SMOC2: variants seen among roughly 807,000 people sequenced by gnomAD.
SMOC2 encodes SPARC-related modular calcium-binding protein 2.
In SMOC2, 39 loss-of-function variants were observed where a neutral mutation model predicts 61.4. That is an observed-to-expected ratio of 0.64 (90% CI 0.49 to 0.83). The LOEUF (loss-of-function observed/expected upper bound fraction) is 0.83. Ranked by LOEUF, SMOC2 falls within the 40% of genes least tolerant of loss-of-function variation. The pLI, the probability that SMOC2 is intolerant of heterozygous loss-of-function variation, is 0.00. For synonymous variants in SMOC2, 247 were observed against 239.9 expected, an observed-to-expected ratio of 1.03 and a Z score of -0.27; for missense variants, 556 against 592.9, an observed-to-expected ratio of 0.94 and a Z score of 0.65.
chr6:168,526,481 A>C, intron 3 of SMOC2, 29 bp downstream of exon 3: 1 of 1,586,784 alleles, frequency 6.3e-7, no homozygotes, highest in Non-Finnish European at 8.7e-7. Flanking sequence ...GAGGTTCTGC[A>C]CCTGTGCGAT....
intron 9 of SMOC2, among the ~76,000 whole-genome samples, chr6:168,639,906 C>A (rs1358255583): frequency 6.6e-6 from 1 of 152,240 alleles, no homozygotes; most frequent in Non-Finnish European, 1.5e-5. Flanking sequence ...CAGCCACAGC[C>A]TCCTGAGAGG....
At chr6:168,621,719 G>A (rs947586405) in intron 9 of SMOC2, among the ~76,000 whole-genome samples, 9 of 32,126 alleles carry the variant, frequency 2.8e-4, no homozygotes, top group Non-Finnish European at 5.9e-4. Context: ...CAGATCTCAC[G>A]ATCTCACGCG....
At chr6:168,441,543 C>G (rs1340765331) in intron 1 of SMOC2, 89 bp downstream of exon 1, 2 of 1,367,574 alleles carry the variant, frequency 1.5e-6, no homozygotes, top group Non-Finnish European at 1.9e-6. Context: ...GCTCCAGGCC[C>G]AGGCGCCTGG....
intron 1 of SMOC2, among the ~76,000 whole-genome samples, chr6:168,445,019 A>G (rs375755404): frequency 3.3e-5 from 5 of 152,172 alleles, no homozygotes; most frequent in African/African-American, 9.7e-5. Flanking sequence ...TCTTACTGCC[A>G]ATACCTAACG....
chr6:168,576,494 G>A (rs1055995185), intron 7 of SMOC2, among the ~76,000 whole-genome samples: 1 of 152,066 alleles, frequency 6.6e-6, no homozygotes, highest in Non-Finnish European at 1.5e-5. Flanking sequence ...TATAAAAGTG[G>A]TTCCGACCCC....
chr6:168,442,734 T>G (rs1363966809), intron 1 of SMOC2, among the ~76,000 whole-genome samples: 1 of 152,254 alleles, frequency 6.6e-6, no homozygotes, highest in Non-Finnish European at 1.5e-5. Flanking sequence ...TTTCTTCGTC[T>G]TCTTTCTTTT....
intron 1 of SMOC2, among the ~76,000 whole-genome samples, chr6:168,470,240 G>C (rs1781940777): frequency 6.6e-6 from 1 of 152,222 alleles, no homozygotes; most frequent in South Asian, 2.1e-4. Context: ...AGTCTCTGCT[G>C]TGAGTCCTTT....
intron 7 of SMOC2, among the ~76,000 whole-genome samples, chr6:168,595,076 C>T (rs1785285599): frequency 1.3e-5 from 2 of 149,648 alleles, no homozygotes; most frequent in African/African-American, 2.5e-5. Context: ...AGCTCCTCCT[C>T]CTTCCTGAGG....
chr6:168,473,644 G>C (rs533127126), intron 1 of SMOC2, among the ~76,000 whole-genome samples: 2 of 152,296 alleles, frequency 1.3e-5, no homozygotes, highest in Admixed American at 6.5e-5. Flanking sequence ...GTTAGAAACA[G>C]ACCAAAACTT....
intron 1 of SMOC2, among the ~76,000 whole-genome samples, chr6:168,444,199 C>T (rs956986960): frequency 2.6e-5 from 4 of 152,186 alleles, no homozygotes; most frequent in African/African-American, 9.6e-5. Context: ...ATGTGGGACT[C>T]TATAGACCAA....
intron 1 of SMOC2, among the ~76,000 whole-genome samples, chr6:168,471,355 C>T (rs984766381): frequency 6.6e-6 from 1 of 152,204 alleles, no homozygotes; most frequent in Admixed American, 6.5e-5. Flanking sequence ...CTTTTTGTGA[C>T]AGGCTTACTT....
chr6:168,489,100 A>G (rs1450143913), intron 1 of SMOC2, among the ~76,000 whole-genome samples: 1 of 150,324 alleles, frequency 6.7e-6, no homozygotes, highest in Non-Finnish European at 1.5e-5. Flanking sequence ...ACACTGTTTT[A>G]GAGTGAAATA....
intron 10 of SMOC2, 80 bp from the exon 11 acceptor site, chr6:168,652,874 T>C (rs550614274): frequency 5.4e-4 from 745 of 1,390,636 alleles, no homozygotes; most frequent in Non-Finnish European, 6.5e-4. Context: ...GCAGGGGTTA[T>C]GGGTTTGAGG....
intron 4 of SMOC2, 65 bp downstream of exon 4, chr6:168,527,792 C>A: frequency 9.1e-7 from 1 of 1,102,392 alleles, no homozygotes; most frequent in Non-Finnish European, 1.3e-6. Context: ...TTCTTCTCAT[C>A]ATCTTCCCTG....
intron 9 of SMOC2, among the ~76,000 whole-genome samples, chr6:168,630,664 G>A (rs916199839): frequency 9.2e-5 from 14 of 152,194 alleles, no homozygotes; most frequent in African/African-American, 3.1e-4. Context: ...GTGGAACAGA[G>A]CCATATTTCT....
chr6:168,554,223 C>G (rs747562815), intron 7 of SMOC2, among the ~76,000 whole-genome samples: 4 of 152,266 alleles, frequency 2.6e-5, no homozygotes, highest in Non-Finnish European at 5.9e-5. Context: ...GTGCCATAGT[C>G]TCCCACAAGA....
rs1787679007 is a variant in SMOC2, at chr6:168,667,043, G to C, written c.*605G>C. 1 of 152,418 alleles carries C rather than the reference G, an allele frequency of 6.6e-6. No homozygotes were observed. Among genetic ancestry groups the C allele is most frequent in the South Asian group, 2.1e-4 (1 of 4,834 alleles). 9.4% of individuals were successfully genotyped at this position (152,418 alleles called of 1,614,324 possible). ...CTGGAGGAAATAATATTTTCAAACTGTCGTTGGTGTGATACTTTGGCTCAA... is the reference window on the plus strand; with the variant it reads ...CTGGAGGAAATAATATTTTCAAACTCTCGTTGGTGTGATACTTTGGCTCAA... On this transcript the variant is annotated 3_prime_UTR_variant, in exon 13 of 13. Coordinates refer to ENST00000356284, the MANE Select transcript of SMOC2 (RefSeq NM_001166412.2).
intron 9 of SMOC2, among the ~76,000 whole-genome samples, chr6:168,637,397 G>T (rs1786767075): frequency 6.6e-6 from 1 of 152,316 alleles, no homozygotes; most frequent in Admixed American, 6.5e-5. Flanking sequence ...GACAGCTGAA[G>T]TCCTGCATGC....
Position 168,650,755 on chromosome 6 carries a change from G to A in SMOC2, c.982G>A (p.Ala328Thr), listed in dbSNP as rs139722655. ...GCTGTCCACGGACATGGTCCACGCC[G>A]CCTCCGACCCCTCCTCCTCGTCAGG... ...DALSTDMVHA[A>T]SDPSSSSGRL... The change falls in exon 10 of 13, where the codon GCC (alanine) becomes ACC (threonine). Residue 328 changes from alanine to threonine, a missense_variant. Coordinates refer to ENST00000356284, the MANE Select transcript of SMOC2 (RefSeq NM_001166412.2). 5.6e-6 allele frequency: 9 copies of A among 1,612,400 alleles called. No individual in the cohort carries two copies. The highest frequency in any genetic ancestry group is 3.3e-5 in the Admixed American group (2 of 59,988).
Sources: allele counts gnomAD v4.1 joint callset (sites outside exome capture counted in the v4.1 genomes callset), GRCh38; gene constraint gnomAD v4.1.1; transcripts MANE v1.5; gene names NCBI Gene and HGNC (gene_info 2026-07-23, HGNC 2026-07-21).